Variants in CIT observed in about 807,000 individuals in gnomAD.
CIT encodes citron Rho-interacting kinase.
In CIT, 79 loss-of-function variants were observed where a neutral mutation model predicts 272.7. The observed-to-expected ratio is 0.29, with a 90% CI of 0.24 to 0.35. The LOEUF (loss-of-function observed/expected upper bound fraction) is 0.35. Ranked by LOEUF, CIT falls within the 10% of genes least tolerant of loss-of-function variation. CIT has a pLI of 1.00. For missense variants in CIT, 1,909 were observed against 2,618.3 expected (o/e 0.73, Z 5.91); for synonymous variants, 948 against 995.6 (o/e 0.95, Z 0.90).
At chr12:119,781,117 A>C (rs952319643) in intron 13 of CIT, among the ~76,000 whole-genome samples, 3 of 152,220 alleles carry the variant, frequency 2.0e-5, no homozygotes, top group African/African-American at 7.2e-5. Context: ...TGAAACTTTT[A>C]GGATGAAAAA....
chr12:119,794,432 A>G (rs538724809), intron 10 of CIT, among the ~76,000 whole-genome samples: 1 of 152,324 alleles, frequency 6.6e-6, no homozygotes, highest in Non-Finnish European at 1.5e-5. Context: ...CAGCACCTGC[A>G]AGTAGAGATG....
intron 21 of CIT, 139 bp downstream of exon 21, chr12:119,758,452 G>GT: frequency 3.1e-6 from 2 of 652,126 alleles, no homozygotes; most frequent in Admixed American, 2.3e-5. Flanking sequence ...GCAAGATGAC[G>GT]TAAGTATCTG....
In CIT at chr12:119,710,471, A is replaced by G. The variant is rs531402499; in HGVS notation, c.4935+69T>C. 9.3e-6 allele frequency: 15 copies of G among 1,612,910 alleles called. No individual in the cohort carries two copies. The African/African-American group carries it at 1.9e-4, about 20-fold the overall frequency. On this transcript the variant is annotated intron_variant, in intron 38 of 47. Transcript: ENST00000392521. This position sits in a 1 kb window ranked among gnomAD's most constrained non-coding sequence, Gnocchi z 5.6. Reference sequence around the variant, plus strand: ...CTAGTAAGAGCAACAAGGCCTCCACAGCCCTTTCTTTCTTGATGGGGTGTG... The same window carrying G: ...CTAGTAAGAGCAACAAGGCCTCCACGGCCCTTTCTTTCTTGATGGGGTGTG...
Position 119,687,128 on chromosome 12 carries a change from T to C in CIT, c.*1104A>G, listed in dbSNP as rs1227510160. The C allele has an allele frequency of 1.3e-5, 2 of 152,728 alleles. No individual in the cohort carries two copies. The highest frequency in any genetic ancestry group is 2.9e-5 in the Non-Finnish European group (2 of 68,196). 9.5% of individuals were successfully genotyped at this position (152,728 alleles called of 1,614,324 possible). A position where few individuals can be genotyped will look rare whatever the true frequency, so the allele number is the denominator to read the frequency against. ...TTGTTCAGTGCTACAGACTGCAGCT[T>C]GTGGTGGCCAGTTAGTCGGCAAGTC... is the stretch of plus-strand genomic sequence containing the variant. On this transcript the variant is annotated 3_prime_UTR_variant, in exon 48 of 48. Coordinates refer to ENST00000392521, the MANE Select transcript of CIT (RefSeq NM_001206999.2).
chr12:119,715,772 G>A (rs1259811320), intron 32 of CIT, among the ~76,000 whole-genome samples: 1 of 152,108 alleles, frequency 6.6e-6, no homozygotes, highest in Non-Finnish European at 1.5e-5. Context: ...ACTAACAGAT[G>A]CATCTAGATT....
chr12:119,728,468 C>A lies in CIT; in HGVS notation c.3591+34G>T. 7.1e-7 allele frequency: 1 copy of A among 1,403,130 alleles called. No homozygotes were observed. The highest frequency in any genetic ancestry group is 1.2e-5 in the South Asian group (1 of 80,860). The allele number at this position is 1,403,130 out of a possible 1,614,324, so 86.9% of individuals were successfully genotyped here. ...AGCCTATTAAAAGAAAAAAAAAATC[C>A]ACTTGGCCCTTCTCCCAGGTATTTC... On this transcript the variant is annotated intron_variant, in intron 28 of 47. Transcript: ENST00000392521. This position sits in a 1 kb window ranked among gnomAD's most constrained non-coding sequence, Gnocchi z 4.3.
At chr12:119,825,804 A>C (rs1475506687) in intron 7 of CIT, among the ~76,000 whole-genome samples, 1 of 152,258 alleles carries the variant, frequency 6.6e-6, no homozygotes, top group Non-Finnish European at 1.5e-5. Context: ...GCAGTGGCCC[A>C]TGCCTGTAAT....
intron 5 of CIT, among the ~76,000 whole-genome samples, chr12:119,839,227 C>T (rs931206743): frequency 5.9e-5 from 9 of 152,266 alleles, no homozygotes; most frequent in African/African-American, 2.2e-4. Context: ...ACAAATGTGT[C>T]TGTGCACACG....
intron 29 of CIT, among the ~76,000 whole-genome samples, chr12:119,721,010 G>C (rs903717955): frequency 2.0e-5 from 3 of 151,930 alleles, no homozygotes; most frequent in African/African-American, 7.3e-5. Flanking sequence ...TCTGTTGCCC[G>C]GGCTGGAGTG....
chr12:119,804,827 G>A lies in CIT; in HGVS notation c.1112-1438C>T, dbSNP rs1431971824. Among the ~76,000 whole-genome samples the A allele has an allele frequency of 1.3e-5, 2 of 152,208 alleles. No homozygotes were observed. Among genetic ancestry groups the A allele is most frequent in the African/African-American group, 2.4e-5 (1 of 41,450 alleles). Reference sequence around the variant, plus strand: ...CCCAGAGCTTCAGGTACATTGAGATGAGGTGGGAGAGTGAGGAAGATTTAA... The same window carrying A: ...CCCAGAGCTTCAGGTACATTGAGATAAGGTGGGAGAGTGAGGAAGATTTAA... On this transcript the variant is annotated intron_variant, in intron 9 of 47. Coordinates refer to ENST00000392521, the MANE Select transcript of CIT (RefSeq NM_001206999.2). The surrounding 1 kb of genome is among the most constrained non-coding windows in gnomAD (Gnocchi z 5.3).
intron 8 of CIT, among the ~76,000 whole-genome samples, chr12:119,824,739 C>T (rs1054700825): frequency 7.9e-5 from 12 of 152,174 alleles, no homozygotes; most frequent in Non-Finnish European, 1.8e-4. Flanking sequence ...TTCATGAACA[C>T]AATTTTTAAA....
intron 26 of CIT, 115 bp from the exon 27 acceptor site, chr12:119,730,745 A>T: frequency 9.2e-7 from 1 of 1,083,226 alleles, no homozygotes; most frequent in Non-Finnish European, 1.3e-6. Flanking sequence ...GGCCAGAAAG[A>T]TGCCCAACCT....
intron 9 of CIT, among the ~76,000 whole-genome samples, chr12:119,821,831 C>T: frequency 6.6e-6 from 1 of 151,986 alleles, no homozygotes; most frequent in South Asian, 2.1e-4. Flanking sequence ...AATGTGGCCA[C>T]CCGAATAATA....
chr12:119,716,378 CAAAAAAAAAAAAAAAAA>C (rs35690078), intron 32 of CIT, among the ~76,000 whole-genome samples: 35 of 17,802 alleles, frequency 2.0e-3, no homozygotes, highest in African/African-American at 3.9e-3. Context: ...GACTCTGTCT[CAAAAAAAAAAAAAAAAA>C]AAAAAAAAAA....
intron 7 of CIT, among the ~76,000 whole-genome samples, chr12:119,829,233 G>A (rs1443027207): frequency 6.6e-6 from 1 of 151,968 alleles, no homozygotes; most frequent in African/African-American, 2.4e-5. Context: ...AGCTACTCGG[G>A]GAGCTGAGGC....
rs146064873 is a variant in CIT at position 119,803,256 on chromosome 12, C to T, written c.1245G>A (p.Pro415=). 8 of 1,603,738 alleles carry T rather than the reference C, an allele frequency of 5.0e-6. No homozygotes were observed. Among genetic ancestry groups the T allele is most frequent in the Admixed American group, 1.7e-5 (1 of 57,854 alleles). Residue 415 remains proline (P), a synonymous_variant, in exon 10 of 48, where the codon CCG becomes CCA. Coordinates refer to ENST00000392521, the MANE Select transcript of CIT (RefSeq NM_001206999.2). ...SPSGFSGEEL[P]FVGFSYSKAL... ...CCTTGCTGTACGAAAACCCCACAAACGGCAGTTCTTCACCCGAGAAGCCTG... is the reference window on the plus strand; with the variant it reads ...CCTTGCTGTACGAAAACCCCACAAATGGCAGTTCTTCACCCGAGAAGCCTG...
chr12:119,713,886 G>A lies in CIT; in HGVS notation c.4307-238C>T, dbSNP rs1957304513. On this transcript the variant is annotated intron_variant, in intron 33 of 47. Coordinates refer to ENST00000392521, the MANE Select transcript of CIT (RefSeq NM_001206999.2). The surrounding 1 kb of genome is among the most constrained non-coding windows in gnomAD (Gnocchi z 5.2). ...CTTCAATCCAGACCGCCCACAAACAGGTGTGTAAAGAACACGTTTGCATGT... is the reference window on the plus strand; with the variant it reads ...CTTCAATCCAGACCGCCCACAAACAAGTGTGTAAAGAACACGTTTGCATGT... The A allele has an allele frequency of 1.6e-6, 1 of 609,222 alleles. No homozygotes were observed. Among genetic ancestry groups the A allele is most frequent in the Admixed American group, 2.9e-5 (1 of 33,928 alleles). 37.7% of individuals were successfully genotyped at this position (609,222 alleles called of 1,614,324 possible).
At chr12:119,802,378 C>A (rs1966271163) in intron 10 of CIT, among the ~76,000 whole-genome samples, 1 of 152,166 alleles carries the variant, frequency 6.6e-6, no homozygotes. Flanking sequence ...CCAGGAGGCT[C>A]CTGGAAGCCT....
chr12:119,859,063 G>C (rs1474256740), intron 3 of CIT, among the ~76,000 whole-genome samples: 3 of 135,656 alleles, frequency 2.2e-5, no homozygotes, highest in Non-Finnish European at 5.0e-5. Flanking sequence ...TAACACTCTA[G>C]ATACACTGAT....
Sources: allele counts gnomAD v4.1 joint callset (sites outside exome capture counted in the v4.1 genomes callset), GRCh38; gene constraint gnomAD v4.1.1; non-coding constraint Gnocchi (gnomAD v3.1); transcripts MANE v1.5; gene names NCBI Gene and HGNC (gene_info 2026-07-23, HGNC 2026-07-21).